The following SLIT3 variants were observed in gnomAD, a reference collection of about 807,000 sequenced individuals.
SLIT3 encodes slit homolog 3 protein.
In SLIT3, 68 loss-of-function variants were observed where a neutral mutation model predicts 184.0. The ratio of observed to expected loss-of-function variants is 0.37; its 90% confidence interval spans 0.30 to 0.45. The LOEUF (loss-of-function observed/expected upper bound fraction) is 0.45, where lower values mean the gene tolerates loss of function less well. Ranked by LOEUF, SLIT3 falls within the 20% of genes least tolerant of loss-of-function variation. The probability of loss-of-function intolerance (pLI) is 1.00; values close to 1 mark genes in which losing one functional copy is unlikely to be tolerated. For synonymous variants in SLIT3, 831 were observed against 828.6 expected (o/e 1.00, Z -0.05); for missense variants, 1,707 against 2,026.0 (o/e 0.84, Z 3.02).
In SLIT3 at chr5:168,666,411, A is replaced by C; in HGVS notation, c.*43T>G. The C allele has an allele frequency of 6.6e-7, 1 of 1,504,060 alleles. No homozygotes were observed. Among genetic ancestry groups the C allele is most frequent in the South Asian group, 1.3e-5 (1 of 74,220 alleles). 93.2% of individuals were successfully genotyped at this position (1,504,060 alleles called of 1,614,324 possible). On this transcript the variant is annotated 3_prime_UTR_variant, in exon 36 of 36. Transcript: ENST00000519560. ...GGTCCCACATGGCTGTCCCAACTCC[A>C]TCAAGCTGGAGTCCGAGAGGTGGCA...
intron 4 of SLIT3, among the ~76,000 whole-genome samples, chr5:169,011,021 G>T (rs1756122994): frequency 6.6e-6 from 1 of 152,112 alleles, no homozygotes; most frequent in African/African-American, 2.4e-5. Flanking sequence ...AGAAATGTGG[G>T]TCTAATTATT....
chr5:168,815,322 T>A (rs1254354485), intron 8 of SLIT3, among the ~76,000 whole-genome samples: 1 of 152,198 alleles, frequency 6.6e-6, no homozygotes, highest in Admixed American at 6.5e-5. Flanking sequence ...GTGAGCAATG[T>A]CTTGCTGCAC....
At position 168,973,212 on chromosome 5, in the gene SLIT3, CT is replaced by C. The variant is rs1308514770; in HGVS notation, c.414-89877del. Among the ~76,000 whole-genome samples the C allele has an allele frequency of 3.3e-5, 5 of 152,178 alleles. No individual in the cohort carries two copies. In the East Asian group the frequency reaches 7.7e-4, roughly 23 times the overall value. On this transcript the variant is annotated intron_variant, in intron 4 of 35. Transcript: ENST00000519560. ...CAGAAGCAAAACCATCTAGAAATAA[CT>C]TTTTTTCCCTCTTTTTCATTGAAAA... is the stretch of plus-strand genomic sequence containing the variant.
intron 6 of SLIT3, 95 bp downstream of exon 6, chr5:168,844,489 G>A (rs1758380905): frequency 4.3e-6 from 5 of 1,150,254 alleles, no homozygotes; most frequent in Non-Finnish European, 6.4e-6. Context: ...AGACCCTCCT[G>A]CACACACTCT....
At chr5:169,161,404 C>A (rs1307861900) in intron 4 of SLIT3, among the ~76,000 whole-genome samples, 1 of 152,234 alleles carries the variant, frequency 6.6e-6, no homozygotes. Context: ...TCTGTACCCG[C>A]CCACTGGCTA....
intron 21 of SLIT3, 101 bp downstream of exon 21, chr5:168,724,315 G>T: frequency 1.2e-6 from 1 of 816,030 alleles, no homozygotes; most frequent in Middle Eastern, 3.4e-4. Context: ...ATTACCACTT[G>T]CATCAGCCTG....
rs1368401480 is a variant in SLIT3, at chr5:168,671,180, G to A, written c.4127+18C>T. Reference sequence around the variant, plus strand: ...TCTGGGAGCTCGAGCACACAGCCAGGGCTCCTGGGACACTGACCTGTGGCC... The same window carrying A: ...TCTGGGAGCTCGAGCACACAGCCAGAGCTCCTGGGACACTGACCTGTGGCC... On this transcript the variant is annotated intron_variant, in intron 34 of 35. Transcript: ENST00000519560. 1 of 1,596,424 alleles carries A rather than the reference G, an allele frequency of 6.3e-7. No individual in the cohort carries two copies. The highest frequency in any genetic ancestry group is 8.6e-7 in the Non-Finnish European group (1 of 1,167,984).
chr5:168,866,422 T>C (rs901085677), intron 5 of SLIT3, among the ~76,000 whole-genome samples: 5 of 152,170 alleles, frequency 3.3e-5, no homozygotes, highest in South Asian at 2.1e-4. Flanking sequence ...TTCTAAGGGA[T>C]TGACAAATTA....
At chr5:169,123,235 A>G (rs1760948415) in intron 4 of SLIT3, among the ~76,000 whole-genome samples, 1 of 152,190 alleles carries the variant, frequency 6.6e-6, no homozygotes. Flanking sequence ...ACTCTGCTAA[A>G]ATTGAAACAG....
At chr5:169,255,246 T>C (rs1765910742) in intron 1 of SLIT3, among the ~76,000 whole-genome samples, 1 of 152,128 alleles carries the variant, frequency 6.6e-6, no homozygotes, top group Non-Finnish European at 1.5e-5. Flanking sequence ...TTTTAAAAAA[T>C]AGTTAATGGT....
intron 4 of SLIT3, among the ~76,000 whole-genome samples, chr5:168,897,647 T>TGCACACACGCACACACACAC (rs3223457): frequency 7.1e-6 from 1 of 141,414 alleles, no homozygotes; most frequent in Non-Finnish European, 1.5e-5. Context: ...CAGGTGCACG[T>TGCACACACGCACACACACAC]ACACACACAC....
chr5:169,045,298 G>A (rs1018149123), intron 4 of SLIT3, among the ~76,000 whole-genome samples: 2 of 152,078 alleles, frequency 1.3e-5, no homozygotes, highest in African/African-American at 4.8e-5. Flanking sequence ...AGCTTCACTT[G>A]CTACTTCCTC....
intron 26 of SLIT3, among the ~76,000 whole-genome samples, chr5:168,705,400 A>G (rs1220085148): frequency 6.6e-6 from 1 of 152,212 alleles, no homozygotes; most frequent in Non-Finnish European, 1.5e-5. Context: ...TAGATACTCA[A>G]TAAATGCTGG....
rs1265231718 is a variant in SLIT3 at position 168,772,772 on chromosome 5, C to T, written c.1459+9G>A. On this transcript the variant is annotated intron_variant, in intron 14 of 35. Coordinates refer to ENST00000519560, the MANE Select transcript of SLIT3 (RefSeq NM_003062.4). ...CAGAAAGCGGGGCCCAGCCCCGTAA[C>T]CTGATTACCTGAGCAGCGGAACTTC... 1.2e-6 allele frequency: 2 copies of T among 1,614,152 alleles called. No individual in the cohort carries two copies. Among genetic ancestry groups the T allele is most frequent in the South Asian group, 2.2e-5 (2 of 91,082 alleles).
chr5:169,059,463 G>A (rs759540178), intron 4 of SLIT3, among the ~76,000 whole-genome samples: 1 of 152,070 alleles, frequency 6.6e-6, no homozygotes, highest in Non-Finnish European at 1.5e-5. Flanking sequence ...ACATCAAGTC[G>A]TTTACCTGAG....
chr5:168,720,164 C>T (rs970090801), intron 23 of SLIT3: 1 of 152,396 alleles, frequency 6.6e-6, no homozygotes, highest in East Asian at 1.9e-4. Context: ...AATCCTCCCA[C>T]CTCGGCCTCC....
chr5:168,680,849 C>T (rs1761568098), intron 32 of SLIT3, among the ~76,000 whole-genome samples: 1 of 152,070 alleles, frequency 6.6e-6, no homozygotes, highest in African/African-American at 2.4e-5. Context: ...CAAGGTCCTC[C>T]AAGCAAAAAT....
At chr5:168,680,669 C>A (rs1761559003) in intron 32 of SLIT3, among the ~76,000 whole-genome samples, 1 of 152,188 alleles carries the variant, frequency 6.6e-6, no homozygotes, top group Non-Finnish European at 1.5e-5. Context: ...TCCTGGCCCC[C>A]TCGGCTGCTG....
intron 4 of SLIT3, among the ~76,000 whole-genome samples, chr5:169,107,105 A>G (rs1378739301): frequency 6.6e-6 from 1 of 152,196 alleles, no homozygotes; most frequent in African/African-American, 2.4e-5. Context: ...TTTGCTTCTA[A>G]TTAACACTGA....
Sources: gnomAD v4.1 joint callset for allele counts (sites outside exome capture counted in the v4.1 genomes callset) on GRCh38, gnomAD v4.1.1 for gene constraint, MANE v1.5 for transcripts, NCBI Gene and HGNC (gene_info 2026-07-23, HGNC 2026-07-21) for gene names.